HECTD4: variants seen among roughly 807,000 people sequenced by gnomAD.
The protein encoded by HECTD4 is HECT domain E3 ubiquitin protein ligase 4.
A neutral mutation model predicts 471.5 loss-of-function variants in HECTD4; 114 were observed. That is an observed-to-expected ratio of 0.24 (90% confidence interval 0.21 to 0.28). The LOEUF is 0.28. Among genes scored for constraint, HECTD4 ranks in the 10% least tolerant of loss-of-function variants. The pLI is 1.00. For missense variants in HECTD4, 3,866 were observed against 5,651.5 expected (o/e 0.68, Z 10.13); for synonymous variants, 2,012 against 2,256.0 (o/e 0.89, Z 3.07).
chr12:112,364,143 G>A (rs974351798), intron 1 of HECTD4, among the ~76,000 whole-genome samples: 9 of 151,792 alleles, frequency 5.9e-5, no homozygotes, highest in Non-Finnish European at 4.4e-5. Context: ...GGTGGCTCAC[G>A]CCTGTAATCC....
At chr12:112,296,006 G>A (rs897431107) in intron 7 of HECTD4, among the ~76,000 whole-genome samples, 2 of 152,152 alleles carry the variant, frequency 1.3e-5, no homozygotes, top group African/African-American at 2.4e-5. Flanking sequence ...AGTGAGAGAA[G>A]CAGCCATGTG....
In HECTD4 at chr12:112,164,122, G is replaced by A. The variant is rs768640655; in HGVS notation, c.12688C>T (p.His4230Tyr). 1 of 1,599,524 alleles carries A rather than the reference G, an allele frequency of 6.3e-7. No homozygotes were observed. ...GCACACACTCACGCCACAAGGATGT[G>A]CCGGCCCCGGCTGCACAGCTCCACC... ...EEVELCSRGRHILVAWENKDI... is the reference protein window; with the variant it reads ...EEVELCSRGRYILVAWENKDI... The change falls in exon 73 of 76, where the codon CAC (histidine) becomes TAC (tyrosine). Residue 4230 changes from histidine (H) to tyrosine (Y), a missense_variant. By Grantham distance (83) the His-to-Tyr change is moderately conservative. Transcript: ENST00000682272.
Position 112,286,284 on chromosome 12 carries a change from TC to T in HECTD4, c.1336-2983del, listed in dbSNP as rs1566099132. Among the ~76,000 whole-genome samples, 3 of 152,298 alleles carry T rather than the reference TC, an allele frequency of 2.0e-5. No individual in the cohort carries two copies. The South Asian group carries it at 6.2e-4, about 32-fold the overall frequency. On this transcript the variant is annotated intron_variant, in intron 7 of 75. Coordinates refer to ENST00000682272, the MANE Select transcript of HECTD4 (RefSeq NM_001388303.1). Reference sequence around the variant, plus strand: ...ACCACTCTGGTCCAAGTCCACATCATCTCAAGAGAGATTATTAGACCAGCCT... The same window carrying T: ...ACCACTCTGGTCCAAGTCCACATCATTCAAGAGAGATTATTAGACCAGCCT...
At chr12:112,238,491 G>A (rs964652124) in intron 34 of HECTD4, among the ~76,000 whole-genome samples, 3 of 152,290 alleles carry the variant, frequency 2.0e-5, no homozygotes, top group South Asian at 2.1e-4. Flanking sequence ...ACGCCAAGGC[G>A]CGAGGACTGC....
chr12:112,194,032 C>T lies in HECTD4; in HGVS notation c.8750-358G>A, dbSNP rs2032163561. ...TACTCTGGCCCACCCCCGCAGGGTA[C>T]CTTAGGGCACAGCCTGTAGAGAAAC... On this transcript the variant is annotated intron_variant, in intron 56 of 75. Transcript: ENST00000682272. The surrounding 1 kb of genome is among the most constrained non-coding windows in gnomAD (Gnocchi z 4.6). Among the ~76,000 whole-genome samples, 1 of 152,208 alleles carries T rather than the reference C, an allele frequency of 6.6e-6. No homozygotes were observed. Among genetic ancestry groups the T allele is most frequent in the South Asian group, 2.1e-4 (1 of 4,832 alleles).
chr12:112,218,986 G>A (rs2033010398), intron 45 of HECTD4, among the ~76,000 whole-genome samples: 1 of 151,892 alleles, frequency 6.6e-6, no homozygotes, highest in African/African-American at 2.4e-5. Flanking sequence ...TGCCCAGCAT[G>A]GCCTCTCAAA....
chr12:112,169,480 G>A (rs368499049), intron 70 of HECTD4, 23 bp downstream of exon 70: 7 of 1,595,058 alleles, frequency 4.4e-6, no homozygotes, highest in African/African-American at 1.3e-5. Flanking sequence ...CTCCAGCGTG[G>A]AGCCTGGCGG....
chr12:112,262,847 C>T (rs76167343), intron 17 of HECTD4, among the ~76,000 whole-genome samples: 1 of 152,144 alleles, frequency 6.6e-6, no homozygotes, highest in East Asian at 1.9e-4. Flanking sequence ...TAACTCTTGG[C>T]CTCAAGTGAT....
Position 112,228,418 on chromosome 12 carries a change from T to C in HECTD4, c.6685-160A>G, listed in dbSNP as rs1410619628. Among the ~76,000 whole-genome samples the C allele has an allele frequency of 1.3e-5, 2 of 152,168 alleles. No homozygotes were observed. The highest frequency in any genetic ancestry group is 1.9e-4 in the East Asian group (1 of 5,206). ...CAAACCACATCAAAACAATTAAAAA[T>C]ACATTGTAGAAGAGCCCTAACCAAC... On this transcript the variant is annotated intron_variant, in intron 42 of 75. Coordinates refer to ENST00000682272, the MANE Select transcript of HECTD4 (RefSeq NM_001388303.1). This position sits in a 1 kb window ranked among gnomAD's most constrained non-coding sequence, Gnocchi z 4.9.
In HECTD4 at chr12:112,162,829, G is replaced by C. The variant is rs1483805143; in HGVS notation, c.13120+213C>G. On this transcript the variant is annotated intron_variant, in intron 75 of 75. Coordinates refer to ENST00000682272, the MANE Select transcript of HECTD4 (RefSeq NM_001388303.1). This position sits in a 1 kb window ranked among gnomAD's most constrained non-coding sequence, Gnocchi z 5.2. ...AAGTTAGAAGATTTGAAGCATTCTGGATTTTCAGCTTCTTTTAAGATATGA... is the reference window on the plus strand; with the variant it reads ...AAGTTAGAAGATTTGAAGCATTCTGCATTTTCAGCTTCTTTTAAGATATGA... The C allele has an allele frequency of 1.8e-6, 1 of 557,646 alleles. No individual in the cohort carries two copies. Among genetic ancestry groups the C allele is most frequent in the African/African-American group, 1.9e-5 (1 of 53,024 alleles). 34.5% of individuals were successfully genotyped at this position (557,646 alleles called of 1,614,324 possible).
intron 52 of HECTD4, 144 bp downstream of exon 52, chr12:112,207,730 G>A (rs923397032): frequency 4.5e-6 from 4 of 894,182 alleles, no homozygotes; most frequent in Non-Finnish European, 3.3e-6. Context: ...CAAAAGATCA[G>A]AGTTCACTAA....
intron 1 of HECTD4, among the ~76,000 whole-genome samples, chr12:112,370,468 T>C (rs2036644416): frequency 6.6e-6 from 1 of 152,172 alleles, no homozygotes; most frequent in African/African-American, 2.4e-5. Context: ...TGTGCAGCAC[T>C]TAAAAATAAT....
intron 1 of HECTD4, among the ~76,000 whole-genome samples, chr12:112,325,955 C>G (rs1248665099): frequency 6.6e-6 from 1 of 151,992 alleles, no homozygotes; most frequent in Non-Finnish European, 1.5e-5. Context: ...CACCACCACA[C>G]TCGGCTAATT....
chr12:112,234,819 C>A (rs2033462768), intron 37 of HECTD4, among the ~76,000 whole-genome samples: 1 of 152,208 alleles, frequency 6.6e-6, no homozygotes. Flanking sequence ...ATGGCTTTAG[C>A]TCTCAGTTGC....
At chr12:112,341,360 A>C (rs1426451164) in intron 1 of HECTD4, among the ~76,000 whole-genome samples, 3 of 152,220 alleles carry the variant, frequency 2.0e-5, no homozygotes, top group African/African-American at 7.2e-5. Context: ...GATCAGAGGC[A>C]TTAACCTGTG....
intron 1 of HECTD4, among the ~76,000 whole-genome samples, chr12:112,359,913 G>A (rs1316090043): frequency 6.6e-6 from 1 of 152,104 alleles, no homozygotes; most frequent in African/African-American, 2.4e-5. Context: ...CAGGTGGTAC[G>A]CACATTAAAG....
chr12:112,302,375 G>A, intron 7 of HECTD4: 1 of 752,690 alleles, frequency 1.3e-6, no homozygotes, highest in Non-Finnish European at 2.4e-6. Context: ...GTATTTGTGG[G>A]CCAGCTTAAG....
rs550241547 is a variant in HECTD4, at chr12:112,265,063, C to T, written c.2619+112G>A. 6.2e-4 allele frequency: 635 copies of T among 1,029,060 alleles called. 1 individual carries two copies. Among genetic ancestry groups the T allele is most frequent in the Middle Eastern group, 1.8e-3 (7 of 3,922 alleles). The allele number at this position is 1,029,060 out of a possible 1,614,324, so 63.7% of individuals were successfully genotyped here. On this transcript the variant is annotated intron_variant, in intron 16 of 75. Transcript: ENST00000682272. ...TACAGGCGTGAGCCACTGCGCCCGG[C>T]CTTTCATAAATTATTGTAAGTCTGT...
At chr12:112,235,000 A>G (rs1450323569) in intron 37 of HECTD4, 77 bp downstream of exon 37, 1 of 1,335,144 alleles carries the variant, frequency 7.5e-7, no homozygotes, top group Non-Finnish European at 1.0e-6. Context: ...CGATACATGT[A>G]CAGGGCTTAC....
Sources: allele counts gnomAD v4.1 joint callset (sites outside exome capture counted in the v4.1 genomes callset), GRCh38; gene constraint gnomAD v4.1.1; non-coding constraint Gnocchi (gnomAD v3.1); transcripts MANE v1.5; gene names NCBI Gene and HGNC (gene_info 2026-07-23, HGNC 2026-07-21).